TUBD1: variants seen among roughly 807,000 people sequenced by gnomAD.
The protein encoded by TUBD1 is tubulin delta chain.
In TUBD1, 38 loss-of-function variants were observed where a neutral mutation model predicts 51.2. The observed-to-expected ratio is 0.74, with a 90% CI of 0.57 to 0.97. The LOEUF is 0.97. Among genes scored for constraint, TUBD1 ranks in the 50% least tolerant of loss-of-function variants. The pLI is 0.00. For synonymous variants in TUBD1, 169 were observed against 178.2 expected (o/e 0.95, Z 0.41); for missense variants, 489 against 538.4 (o/e 0.91, Z 0.91).
chr17:59,885,504 A>G, intron 3 of TUBD1: 2 of 1,581,906 alleles, frequency 1.3e-6, no homozygotes, highest in Non-Finnish European at 1.7e-6. Context: ...ACCTGGAACG[A>G]GGCGGTGATC....
intron 4 of TUBD1, 154 bp from the exon 5 acceptor site, chr17:59,878,488 C>CA: frequency 1.9e-6 from 1 of 535,712 alleles, no homozygotes; most frequent in Non-Finnish European, 3.3e-6. Context: ...TGCTCAGTTT[C>CA]CTTTTTTTTT....
At chr17:59,861,982 G>A (rs2039472112) in intron 8 of TUBD1, among the ~76,000 whole-genome samples, 1 of 151,226 alleles carries the variant, frequency 6.6e-6, no homozygotes, top group South Asian at 2.1e-4. Context: ...GGGTTTTATG[G>A]AATGGTCACA....
chr17:59,862,537 A>G (rs1364307512), intron 8 of TUBD1, among the ~76,000 whole-genome samples: 1 of 151,408 alleles, frequency 6.6e-6, no homozygotes, highest in East Asian at 1.9e-4. Context: ...ATGTTTTTTA[A>G]TTTAATTTAA....
At chr17:59,875,430 G>A (rs764880037) in intron 5 of TUBD1, among the ~76,000 whole-genome samples, 15 of 151,488 alleles carry the variant, frequency 9.9e-5, no homozygotes, top group Non-Finnish European at 1.8e-4. Flanking sequence ...ATCTGGTTAG[G>A]TGATAATCAA....
chr17:59,871,647 A>G (rs2039987062), intron 6 of TUBD1, among the ~76,000 whole-genome samples: 2 of 152,204 alleles, frequency 1.3e-5, no homozygotes, highest in African/African-American at 2.4e-5. Flanking sequence ...GGATGAGGCA[A>G]GCAGAGATGC....
chr17:59,869,535 G>A lies in TUBD1; in HGVS notation c.935-2786C>T, dbSNP rs191896113. Among the ~76,000 whole-genome samples the A allele has an allele frequency of 4.6e-4, 70 of 152,030 alleles. 1 individual carries two copies. The highest frequency in any genetic ancestry group is 1.9e-3 in the Admixed American group (29 of 15,236). On this transcript the variant is annotated intron_variant, in intron 6 of 8. Transcript: ENST00000325752. ...TTGACACCCTAAAAGTTCCACATGG[G>A]AACTCAGCAAACTGTGGTTTATTGA... is the stretch of plus-strand genomic sequence containing the variant.
At position 59,874,627 on chromosome 17, in the gene TUBD1, C is replaced by T; in HGVS notation, c.846G>A (p.Glu282=). 1 of 1,613,812 alleles carries T rather than the reference C, an allele frequency of 6.2e-7. No homozygotes were observed. Among genetic ancestry groups the T allele is most frequent in the Non-Finnish European group, 8.5e-7 (1 of 1,179,960 alleles). ...LSVRNIPHMS[E]NSLAYTTFTW... is the part of the protein sequence containing the mutation. ...TAAATGTGGTGTATGCCAATGAATT[C>T]TCAGACATGTGAGGAATGTTACGAA... Residue 282 remains glutamate (E), a synonymous_variant, in exon 6 of 9, where the codon GAG becomes GAA. Coordinates refer to ENST00000325752, the MANE Select transcript of TUBD1 (RefSeq NM_016261.4).
intron 5 of TUBD1, 87 bp downstream of exon 5, chr17:59,878,016 C>T (rs1475126535): frequency 2.0e-6 from 2 of 1,017,752 alleles, no homozygotes; most frequent in Non-Finnish European, 2.9e-6. Context: ...AGTGTATCTT[C>T]AGGCAGAGGA....
Position 59,885,687 on chromosome 17 carries a change from T to C in TUBD1, c.320+396A>G. ...AAACAAAACAAAACAAAAATCAGAA[T>C]CTCTCAAAGTGAGCCCTAGGCATCA... On this transcript the variant is annotated intron_variant, in intron 3 of 8. Coordinates refer to ENST00000325752, the MANE Select transcript of TUBD1 (RefSeq NM_016261.4). The C allele has an allele frequency of 3.3e-6, 2 of 606,508 alleles. 1 individual carries two copies. Among genetic ancestry groups the C allele is most frequent in the South Asian group, 4.0e-5 (2 of 50,056 alleles). The allele number at this position is 606,508 out of a possible 1,614,324, so 37.6% of individuals were successfully genotyped here. A position where few individuals can be genotyped will look rare whatever the true frequency, so the allele number is the denominator to read the frequency against.
rs1598507626 is a variant in TUBD1 at position 59,866,873 on chromosome 17, T to C, written c.935-124A>G. On this transcript the variant is annotated intron_variant, in intron 6 of 8. Transcript: ENST00000325752. ...ATCTTGGCTCACTGCAACCTCCATC[T>C]CCCAGGATCAAGCGATTCTCCTGCC... The C allele has an allele frequency of 5.6e-6, 4 of 716,542 alleles. No individual in the cohort carries two copies. The East Asian group carries it at 1.1e-4, about 21-fold the overall frequency. The allele number at this position is 716,542 out of a possible 1,614,324, so 44.4% of individuals were successfully genotyped here. A position where few individuals can be genotyped will look rare whatever the true frequency, so the allele number is the denominator to read the frequency against.
intron 8 of TUBD1, among the ~76,000 whole-genome samples, chr17:59,862,365 C>A (rs1227757829): frequency 1.3e-5 from 2 of 151,744 alleles, no homozygotes; most frequent in South Asian, 4.2e-4. Flanking sequence ...CTTGTCCACT[C>A]ATTTGAAGAA....
At chr17:59,865,765 AG>A in intron 7 of TUBD1, among the ~76,000 whole-genome samples, 1 of 152,232 alleles carries the variant, frequency 6.6e-6, no homozygotes, top group Admixed American at 6.5e-5. Context: ...CACAGAACTC[AG>A]TACCAGTCAA....
chr17:59,874,188 CAAA>C (rs78920820), intron 6 of TUBD1, among the ~76,000 whole-genome samples: 1 of 70,630 alleles, frequency 1.4e-5, no homozygotes. Flanking sequence ...GACTCAGTCT[CAAA>C]AAAAAAAAAA....
chr17:59,873,327 G>A (rs59426030), intron 6 of TUBD1, among the ~76,000 whole-genome samples: 41,153 of 151,168 alleles, frequency 0.27, 5,734 homozygotes, highest in Middle Eastern at 0.42. Flanking sequence ...ACAGCTCACT[G>A]CAGCCTTGAC....
At chr17:59,867,492 G>A (rs985303754) in intron 6 of TUBD1, among the ~76,000 whole-genome samples, 3 of 152,034 alleles carry the variant, frequency 2.0e-5, no homozygotes, top group African/African-American at 7.2e-5. Flanking sequence ...AGGATCTCTT[G>A]AGTCCAGGAG....
At chr17:59,873,851 C>A (rs886548839) in intron 6 of TUBD1, among the ~76,000 whole-genome samples, 1 of 150,662 alleles carries the variant, frequency 6.6e-6, no homozygotes, top group Non-Finnish European at 1.5e-5. Flanking sequence ...GGTGACAGAG[C>A]GAGATTCCAT....
At chr17:59,865,754 T>G (rs2645482) in intron 7 of TUBD1, among the ~76,000 whole-genome samples, 85,355 of 152,026 alleles carry the variant, frequency 0.56, 26,074 homozygotes, top group African/African-American at 0.82. Context: ...GTGAGGTGTG[T>G]CACAGAACTC....
intron 8 of TUBD1, among the ~76,000 whole-genome samples, chr17:59,862,642 T>C (rs2333625): frequency 0.56 from 82,759 of 148,010 alleles, 24,997 homozygotes; most frequent in African/African-American, 0.82. Flanking sequence ...TGGGTTCAAG[T>C]GATTCTCCTG....
intron 4 of TUBD1, 37 bp from the exon 5 acceptor site, chr17:59,878,371 G>T: frequency 6.9e-7 from 1 of 1,444,288 alleles, no homozygotes; most frequent in Non-Finnish European, 9.7e-7. Context: ...AAAGGTAGGA[G>T]AGAATAATGG....
Sources: allele counts gnomAD v4.1 joint callset (sites outside exome capture counted in the v4.1 genomes callset), GRCh38; gene constraint gnomAD v4.1.1; transcripts MANE v1.5; gene names NCBI Gene and HGNC (gene_info 2026-07-23, HGNC 2026-07-21).